Variants in EYA2 observed in about 807,000 individuals in gnomAD.
The protein encoded by EYA2 is EYA transcriptional coactivator and phosphatase 2.
In EYA2, 31 loss-of-function variants were observed where a neutral mutation model predicts 69.2. The observed-to-expected ratio is 0.45, with a 90% CI of 0.34 to 0.60. EYA2 has a LOEUF of 0.60. Ranked by LOEUF, EYA2 falls within the 20% of genes least tolerant of loss-of-function variation. The pLI is 0.02. For synonymous variants in EYA2, 257 were observed against 279.4 expected (o/e 0.92, Z 0.80); for missense variants, 622 against 701.2 (o/e 0.89, Z 1.28).
At chr20:47,090,335 G>T (rs1042327412) in intron 8 of EYA2, among the ~76,000 whole-genome samples, 1 of 151,042 alleles carries the variant, frequency 6.6e-6, no homozygotes, top group Non-Finnish European at 1.5e-5. Context: ...CACCTCCCAG[G>T]TTCAAGCGAT....
At chr20:46,954,831 C>A (rs541305353) in intron 1 of EYA2, among the ~76,000 whole-genome samples, 4 of 150,628 alleles carry the variant, frequency 2.7e-5, no homozygotes, top group African/African-American at 1.0e-4. Context: ...ACGAGGCATT[C>A]TCAGAGCCAA....
chr20:46,938,999 A>C (rs1986036442), intron 1 of EYA2, among the ~76,000 whole-genome samples: 1 of 152,194 alleles, frequency 6.6e-6, no homozygotes, highest in Admixed American at 6.5e-5. Context: ...TTTTTTAATC[A>C]GTCTAGATCC....
chr20:46,990,036 G>T lies in EYA2; in HGVS notation c.26G>T (p.Ser9Ile). MVELVISP[S>I]LTVNSDCLDK... ...ATGGTAGAACTAGTGATCTCACCCA[G>T]CCTCACTGTAAACAGCGATTGTCTG... The change falls in exon 2 of 16, where the codon AGC (serine) becomes ATC (isoleucine). Residue 9 changes from serine to isoleucine, a missense_variant. Coordinates refer to ENST00000327619, the MANE Select transcript of EYA2 (RefSeq NM_005244.5). 6.2e-7 allele frequency: 1 copy of T among 1,608,180 alleles called. No homozygotes were observed. The highest frequency in any genetic ancestry group is 1.1e-5 in the South Asian group (1 of 90,924).
At chr20:46,970,796 A>T (rs558137425) in intron 1 of EYA2, among the ~76,000 whole-genome samples, 2 of 152,304 alleles carry the variant, frequency 1.3e-5, no homozygotes, top group South Asian at 4.1e-4. Context: ...TTAAACCATT[A>T]TGTTTTTGGT....
chr20:47,037,335 G>A (rs558294482), intron 5 of EYA2, among the ~76,000 whole-genome samples: 1 of 152,266 alleles, frequency 6.6e-6, no homozygotes, highest in South Asian at 2.1e-4. Flanking sequence ...TCATCAGCAG[G>A]TTGTTGTAGT....
At chr20:47,139,236 AT>A (rs1255826882) in intron 9 of EYA2, among the ~76,000 whole-genome samples, 1 of 152,210 alleles carries the variant, frequency 6.6e-6, no homozygotes, top group Non-Finnish European at 1.5e-5. Flanking sequence ...GAAAAGTGGA[AT>A]TACTGAGTAT....
chr20:47,090,026 A>G (rs2032025239), intron 8 of EYA2, among the ~76,000 whole-genome samples: 1 of 151,794 alleles, frequency 6.6e-6, no homozygotes, highest in Non-Finnish European at 1.5e-5. Flanking sequence ...TGGGATTCTG[A>G]CTTCTCAGAA....
intron 1 of EYA2, among the ~76,000 whole-genome samples, chr20:46,957,340 G>A (rs1979190144): frequency 6.6e-6 from 1 of 152,144 alleles, no homozygotes; most frequent in African/African-American, 2.4e-5. Context: ...TCAATACCAG[G>A]CTGAATAAGA....
At position 47,004,740 on chromosome 20, in the gene EYA2, A is replaced by G. The variant is rs117773030; in HGVS notation, c.156-202A>G. The G allele has an allele frequency of 3.8e-4, 262 of 689,288 alleles. No homozygotes were observed. The East Asian group carries it at 6.7e-3, about 18-fold the overall frequency. The allele number at this position is 689,288 out of a possible 1,614,324, so 42.7% of individuals were successfully genotyped here. On this transcript the variant is annotated intron_variant, in intron 3 of 15. Transcript: ENST00000327619. The stretch of plus-strand genomic sequence containing the variant: ...GGGCTGAACCCAGTCACACGGCTGA[A>G]TCTGACTGCACAGGAGACAGAAAAT...
intron 1 of EYA2, among the ~76,000 whole-genome samples, chr20:46,957,866 A>G (rs1979231986): frequency 6.6e-6 from 1 of 152,176 alleles, no homozygotes; most frequent in Non-Finnish European, 1.5e-5. Context: ...TGAGGGTTCT[A>G]GGGCTCTCTT....
At chr20:47,044,815 C>A (rs1191264605) in intron 5 of EYA2, among the ~76,000 whole-genome samples, 1 of 152,086 alleles carries the variant, frequency 6.6e-6, no homozygotes, top group Non-Finnish European at 1.5e-5. Flanking sequence ...GTCATACAAT[C>A]GGAGAACAGC....
intron 1 of EYA2, among the ~76,000 whole-genome samples, chr20:46,983,475 T>G (rs750487444): frequency 3.3e-5 from 5 of 152,188 alleles, no homozygotes; most frequent in Non-Finnish European, 5.9e-5. Context: ...TTTTGAGTGT[T>G]TCTCAAGGCT....
intron 9 of EYA2, among the ~76,000 whole-genome samples, chr20:47,127,927 G>GA (rs2033241105): frequency 6.6e-6 from 1 of 152,232 alleles, no homozygotes; most frequent in South Asian, 2.1e-4. Context: ...ACATTATTCA[G>GA]AGAGTGTTGC....
At chr20:47,116,458 A>G (rs535083759) in intron 9 of EYA2, among the ~76,000 whole-genome samples, 3 of 151,356 alleles carry the variant, frequency 2.0e-5, no homozygotes, top group African/African-American at 7.4e-5. Context: ...GATCATAGGC[A>G]TGAGCCACTG....
chr20:46,933,985 A>T lies in EYA2; in HGVS notation c.-11+38998A>T, dbSNP rs1019187913. Among the ~76,000 whole-genome samples, 17 of 152,330 alleles carry T rather than the reference A, an allele frequency of 1.1e-4. No individual in the cohort carries two copies. In the East Asian group the frequency reaches 3.1e-3, roughly 28 times the overall value. On this transcript the variant is annotated intron_variant, in intron 1 of 15. Coordinates refer to ENST00000327619, the MANE Select transcript of EYA2 (RefSeq NM_005244.5). ...AGCAGGCCCTGTTCTGGTTGCTGGGAATTTGGAGATAAGTGAGGCTTAGCC... is the reference window on the plus strand; with the variant it reads ...AGCAGGCCCTGTTCTGGTTGCTGGGTATTTGGAGATAAGTGAGGCTTAGCC...
intron 1 of EYA2, among the ~76,000 whole-genome samples, chr20:46,933,515 C>A (rs1985761537): frequency 6.6e-6 from 1 of 152,174 alleles, no homozygotes; most frequent in African/African-American, 2.4e-5. Flanking sequence ...ACAGGGTGAC[C>A]CCAAACTGGA....
intron 1 of EYA2, among the ~76,000 whole-genome samples, chr20:46,898,632 G>C (rs78017083): frequency 2.0e-5 from 3 of 152,286 alleles, no homozygotes; most frequent in African/African-American, 7.2e-5. Flanking sequence ...TTTGAAGATC[G>C]TAACTGGCCT....
intron 1 of EYA2, among the ~76,000 whole-genome samples, chr20:46,939,465 C>T (rs1451917468): frequency 1.3e-5 from 2 of 151,908 alleles, no homozygotes; most frequent in East Asian, 1.9e-4. Context: ...TCAAAAATCC[C>T]TTGATCAAGC....
intron 7 of EYA2, among the ~76,000 whole-genome samples, chr20:47,088,990 G>C (rs556971710): frequency 1.3e-5 from 2 of 152,322 alleles, no homozygotes; most frequent in African/African-American, 2.4e-5. Flanking sequence ...GTGAGAACCA[G>C]GACATAATCC....
Sources: gnomAD v4.1 joint callset for allele counts (sites outside exome capture counted in the v4.1 genomes callset) on GRCh38, gnomAD v4.1.1 for gene constraint, MANE v1.5 for transcripts, NCBI Gene and HGNC (gene_info 2026-07-23, HGNC 2026-07-21) for gene names.